GNRH1: variants seen among roughly 807,000 people sequenced by gnomAD.
GNRH1 encodes the protein progonadoliberin-1.
In GNRH1, 9 loss-of-function variants were observed where a neutral mutation model predicts 13.6. That is an observed-to-expected ratio of 0.66 (90% confidence interval 0.40 to 1.15). The LOEUF is 1.15. GNRH1 is among the 50% of genes most tolerant of loss of function. The pLI is 0.01. For missense variants in GNRH1, 116 were observed against 110.8 expected, an observed-to-expected ratio of 1.05 and a Z score of -0.21; for synonymous variants, 44 against 40.1, an observed-to-expected ratio of 1.10 and a Z score of -0.37.
At chr8:25,420,097 T>A (rs1801751213) in intron 3 of GNRH1, among the ~76,000 whole-genome samples, 1 of 152,190 alleles carries the variant, frequency 6.6e-6, no homozygotes, top group South Asian at 2.1e-4. Flanking sequence ...GCCATTTTTG[T>A]AATGCAGTAA....
At chr8:25,422,898 C>T (rs1801792713) in intron 2 of GNRH1, among the ~76,000 whole-genome samples, 1 of 152,136 alleles carries the variant, frequency 6.6e-6, no homozygotes, top group Non-Finnish European at 1.5e-5. Context: ...CAGACCTTGA[C>T]CCTATCCCAT....
chr8:25,422,841 C>T (rs914702156), intron 2 of GNRH1, among the ~76,000 whole-genome samples: 3 of 151,888 alleles, frequency 2.0e-5, no homozygotes, highest in Non-Finnish European at 4.4e-5. Flanking sequence ...AAAAAAAAAA[C>T]GAAGTTCTAA....
intron 3 of GNRH1, among the ~76,000 whole-genome samples, chr8:25,420,313 C>T (rs532528635): frequency 1.3e-5 from 2 of 150,926 alleles, no homozygotes; most frequent in South Asian, 4.2e-4. Flanking sequence ...ACTCGGGAGG[C>T]TGAGTCAGGA....
At chr8:25,425,040 T>C (rs898756128), upstream of GNRH1, among the ~76,000 whole-genome samples, 1 of 152,178 alleles carries the variant, frequency 6.6e-6, no homozygotes, top group African/African-American at 2.4e-5. Flanking sequence ...GATGAGAAAT[T>C]ATAGTTATTT....
intron 3 of GNRH1, among the ~76,000 whole-genome samples, chr8:25,419,842 G>C (rs1301245604): frequency 6.6e-6 from 1 of 151,996 alleles, no homozygotes; most frequent in Non-Finnish European, 1.5e-5. Context: ...GGCTGGTCTT[G>C]AACTCCTGGC....
upstream of GNRH1, chr8:25,424,338 T>G (rs1027896900): frequency 6.6e-6 from 1 of 151,110 alleles, no homozygotes; most frequent in African/African-American, 2.4e-5. Flanking sequence ...TGGTAAATTA[T>G]ACTGCAAATG....
chr8:25,419,587 G>A, intron 3 of GNRH1, 127 bp from the exon 4 acceptor site: 1 of 663,652 alleles, frequency 1.5e-6, no homozygotes. Context: ...GCTCTAGTTA[G>A]TGCTAGGGAG....
At chr8:25,422,109 C>G (rs1249166048) in intron 2 of GNRH1, among the ~76,000 whole-genome samples, 2 of 152,126 alleles carry the variant, frequency 1.3e-5, no homozygotes, top group East Asian at 3.8e-4. Context: ...TCTGGGTCTT[C>G]TTTAATACTA....
Position 25,421,604 on chromosome 8 carries a change from C to A in GNRH1, c.206G>T (p.Arg69Leu). Residue 69 changes from arginine to leucine, a missense_variant, in exon 3 of 4, where the codon CGT (arginine) becomes CTT (leucine). Transcript: ENST00000421054. The part of the protein sequence containing the change: ...QRFECTTHQP[R>L]SPLRDLKGAL... ...TCCTTTCAGGTCTCGGAGGGGAGAA[C>A]GTGGCTGGTGCGTGGTGCATTCGAA... is the stretch of plus-strand genomic sequence containing the variant. 1 of 1,603,202 alleles carries A rather than the reference C, an allele frequency of 6.2e-7. No homozygotes were observed. Among genetic ancestry groups the A allele is most frequent in the Non-Finnish European group, 8.5e-7 (1 of 1,171,852 alleles).
chr8:25,423,409 G>A, intron 1 of GNRH1, 78 bp from the exon 2 acceptor site: 1 of 1,264,926 alleles, frequency 7.9e-7, no homozygotes, highest in Non-Finnish European at 1.2e-6. Context: ...TAGTGAAAAA[G>A]CTAGCATCTG....
In GNRH1 at chr8:25,423,310, G is replaced by A. The variant is rs1318996534; in HGVS notation, c.21C>T (p.Leu7=). 6.2e-7 allele frequency: 1 copy of A among 1,612,820 alleles called. No homozygotes were observed. The highest frequency in any genetic ancestry group is 2.2e-5 in the East Asian group (1 of 44,882). Reference sequence around the variant, plus strand: ...AAGTCAGTAGAATAAGGCCAGCTAGGAGTTTTTGAATTGGCTTCATTCTAA... The same window carrying A: ...AAGTCAGTAGAATAAGGCCAGCTAGAAGTTTTTGAATTGGCTTCATTCTAA... The part of the protein sequence containing the change: MKPIQK[L]LAGLILLTWC... Residue 7 remains leucine (L), a synonymous_variant, in exon 2 of 4, where the codon CTC becomes CTT. Coordinates refer to ENST00000421054, the MANE Select transcript of GNRH1 (RefSeq NM_001083111.2).
At chr8:25,422,291 C>T (rs971844733) in intron 2 of GNRH1, among the ~76,000 whole-genome samples, 1 of 152,210 alleles carries the variant, frequency 6.6e-6, no homozygotes, top group South Asian at 2.1e-4. Flanking sequence ...AAACAAAAAT[C>T]CTCCCGGCAC....
intron 2 of GNRH1, 113 bp from the exon 3 acceptor site, chr8:25,421,781 G>C: frequency 1.2e-5 from 6 of 513,216 alleles, no homozygotes; most frequent in East Asian, 4.1e-5. Flanking sequence ...GGGGCTGGGG[G>C]AGATTGGGAA....
chr8:25,423,612 A>T, intron 1 of GNRH1: 7 of 398,126 alleles, frequency 1.8e-5, no homozygotes, highest in South Asian at 5.6e-5. Flanking sequence ...GGTTATCCAA[A>T]CCCCATAATT....
At chr8:25,423,111 T>C (rs1385950885) in intron 2 of GNRH1, 79 bp downstream of exon 2, 22 of 1,047,148 alleles carry the variant, frequency 2.1e-5, no homozygotes, top group Non-Finnish European at 2.8e-5. Flanking sequence ...AATATTGACA[T>C]TGGGGCTATC....
At chr8:25,419,791 T>G (rs1265236755) in intron 3 of GNRH1, among the ~76,000 whole-genome samples, 2 of 152,050 alleles carry the variant, frequency 1.3e-5, no homozygotes, top group African/African-American at 4.8e-5. Flanking sequence ...CTGGCTAATT[T>G]TTATAGTTTT....
At chr8:25,420,639 G>C (rs1586412914) in intron 3 of GNRH1, among the ~76,000 whole-genome samples, 1 of 151,616 alleles carries the variant, frequency 6.6e-6, no homozygotes, top group South Asian at 2.1e-4. Flanking sequence ...ACAGTGGCTT[G>C]CACCTTTAAT....
chr8:25,420,651 C>T lies in GNRH1; in HGVS notation c.237+922G>A, dbSNP rs570378875. ...GGCACAGTGGCTTGCACCTTTAATC[C>T]CAGCACTTTGGGAGGATCTTGAGGC... On this transcript the variant is annotated intron_variant, in intron 3 of 3. Coordinates refer to ENST00000421054, the MANE Select transcript of GNRH1 (RefSeq NM_001083111.2). Among the ~76,000 whole-genome samples the T allele has an allele frequency of 5.3e-5, 8 of 152,160 alleles. No homozygotes were observed. In the East Asian group the frequency reaches 1.4e-3, roughly 26 times the overall value.
At chr8:25,423,567 TACTAAAATAGTC>T (rs1801804009) in intron 1 of GNRH1, 1 of 556,228 alleles carries the variant, frequency 1.8e-6, no homozygotes, top group Non-Finnish European at 3.2e-6. Flanking sequence ...ACCTTTTTAG[TACTAAAATAGTC>T]TATACTTTTA....
Sources: allele counts gnomAD v4.1 joint callset (sites outside exome capture counted in the v4.1 genomes callset), GRCh38; gene constraint gnomAD v4.1.1; transcripts MANE v1.5; gene names NCBI Gene and HGNC (gene_info 2026-07-23, HGNC 2026-07-21).